ZNF608: variants seen among roughly 807,000 people sequenced by gnomAD.
ZNF608 encodes the protein zinc finger protein 608.
In ZNF608, 12 loss-of-function variants were observed where a neutral mutation model predicts 109.0. The ratio of observed to expected loss-of-function variants is 0.11; its 90% CI spans 0.07 to 0.18. The LOEUF (loss-of-function observed/expected upper bound fraction) is 0.18, where lower values mean the gene tolerates loss of function less well. ZNF608 is among the 10% of genes least tolerant of loss of function. The pLI is 1.00. For synonymous variants in ZNF608, 732 were observed against 717.4 expected (o/e 1.02, Z -0.33); for missense variants, 1,707 against 1,879.3 (o/e 0.91, Z 1.70).
At chr5:124,675,295 C>G (rs1751897305) in intron 3 of ZNF608, among the ~76,000 whole-genome samples, 1 of 152,194 alleles carries the variant, frequency 6.6e-6, no homozygotes, top group African/African-American at 2.4e-5. Flanking sequence ...CAAACGTGTG[C>G]AAATTCTTGA....
chr5:124,693,990 T>TTTTTTTTTTTTTTTTTTG, intron 3 of ZNF608, among the ~76,000 whole-genome samples: 1 of 130,136 alleles, frequency 7.7e-6, no homozygotes, highest in Non-Finnish European at 1.6e-5. Flanking sequence ...TTTTTTTTTT[T>TTTTTTTTTTTTTTTTTTG]TTTGAGAGAG....
intron 3 of ZNF608, among the ~76,000 whole-genome samples, chr5:124,659,070 G>A (rs1561542398): frequency 6.6e-6 from 1 of 152,020 alleles, no homozygotes. Flanking sequence ...GACTCAGGAG[G>A]TCACTGAAGA....
At chr5:124,719,044 G>C (rs947716255) in intron 2 of ZNF608, among the ~76,000 whole-genome samples, 1 of 152,116 alleles carries the variant, frequency 6.6e-6, no homozygotes, top group African/African-American at 2.4e-5. Context: ...GTACGGACCT[G>C]CACATTAATG....
intron 2 of ZNF608, among the ~76,000 whole-genome samples, chr5:124,713,089 C>T (rs1050471576): frequency 5.9e-5 from 9 of 152,222 alleles, no homozygotes; most frequent in African/African-American, 1.9e-4. Flanking sequence ...CCCAGCATGA[C>T]GTCCAAGGCA....
At chr5:124,690,409 G>GTT (rs1263606696) in intron 3 of ZNF608, among the ~76,000 whole-genome samples, 3 of 152,194 alleles carry the variant, frequency 2.0e-5, no homozygotes, top group Non-Finnish European at 4.4e-5. Context: ...TTCACCAATT[G>GTT]TAACACATGT....
intron 2 of ZNF608, among the ~76,000 whole-genome samples, chr5:124,730,229 T>G (rs1253145677): frequency 6.6e-6 from 1 of 152,224 alleles, no homozygotes; most frequent in African/African-American, 2.4e-5. Flanking sequence ...AACAATGTGA[T>G]TTGAATACAT....
chr5:124,683,600 A>G (rs1313116949), intron 3 of ZNF608, among the ~76,000 whole-genome samples: 4 of 152,222 alleles, frequency 2.6e-5, no homozygotes, highest in African/African-American at 9.6e-5. Context: ...GCTTCCGGAA[A>G]GTAGAAATTG....
At chr5:124,721,941 C>CAAA (rs199699487) in intron 2 of ZNF608, among the ~76,000 whole-genome samples, 645 of 20,778 alleles carry the variant, frequency 0.031, 132 homozygotes, top group Middle Eastern at 0.05. Context: ...GACTCTGTCT[C>CAAA]AAAAAAAAAA....
intron 3 of ZNF608, among the ~76,000 whole-genome samples, chr5:124,680,155 C>T (rs1288560094): frequency 6.6e-6 from 1 of 151,780 alleles, no homozygotes; most frequent in African/African-American, 2.4e-5. Flanking sequence ...AAAAAATAGG[C>T]CAAGCAAACC....
At chr5:124,666,031 T>A (rs1215555023) in intron 3 of ZNF608, among the ~76,000 whole-genome samples, 2 of 152,144 alleles carry the variant, frequency 1.3e-5, no homozygotes, top group Non-Finnish European at 2.9e-5. Context: ...GCATGTACGT[T>A]TGTGCGTACT....
In ZNF608 at chr5:124,647,979, T is replaced by G. The variant is rs775261900; in HGVS notation, c.2405A>C (p.Asn802Thr). 3 of 1,614,234 alleles carry G rather than the reference T, an allele frequency of 1.9e-6. No individual in the cohort carries two copies. Among genetic ancestry groups the G allele is most frequent in the Non-Finnish European group, 2.5e-6 (3 of 1,180,034 alleles). Residue 802 changes from asparagine (N) to threonine (T), a missense_variant, in exon 5 of 10, where the codon AAC becomes ACC. Transcript: ENST00000513986. Reference protein sequence around the residue: ...PTIMGEPITVNPALVSLKDKK... With the variant: ...PTIMGEPITVTPALVSLKDKK... ...GTCTTTGAGTGACACCAGAGCTGGG[T>G]TCACGGTGATGGGCTCTCCCATAAT...
In ZNF608 at chr5:124,745,117, C is replaced by G. The variant is rs1348754457; in HGVS notation, c.-128G>C. 11 of 1,445,884 alleles carry G rather than the reference C, an allele frequency of 7.6e-6. No homozygotes were observed. In the East Asian group the frequency reaches 2.7e-4, roughly 36 times the overall value. The allele number at this position is 1,445,884 out of a possible 1,614,324, so 89.6% of individuals were successfully genotyped here. A position where few individuals can be genotyped will look rare whatever the true frequency, so the allele number is the denominator to read the frequency against. ...ATCTTCTAATCTTCCTCTTCTTTTT[C>G]CTGCCCCACGAATGTGTCCAGGGAT... is the stretch of plus-strand genomic sequence containing the variant. On this transcript the variant is annotated 5_prime_UTR_variant, in exon 2 of 10. Transcript: ENST00000513986.
In ZNF608 at chr5:124,639,146, G is replaced by A; in HGVS notation, c.4519C>T (p.Pro1507Ser). ...AAQASASGMF[P>S]GQRRE The stretch of plus-strand genomic sequence containing the variant: ...GAGGATATTTACCTTCTTTGTCCAG[G>A]AAACATTCCAGATGCAGATGCCTGG... The change falls in exon 9 of 10, where the codon CCT (proline) becomes TCT (serine). Residue 1507 changes from proline to serine, a missense_variant. By Grantham distance (74) the Pro-to-Ser change is moderately conservative. Around this residue, in one of 7 missense-constraint regions of ZNF608, gnomAD observed 1,073 missense variants for 1,133.5 expected, o/e 0.95. Transcript: ENST00000513986. The A allele has an allele frequency of 6.2e-7, 1 of 1,614,164 alleles. No individual in the cohort carries two copies. The highest frequency in any genetic ancestry group is 8.5e-7 in the Non-Finnish European group (1 of 1,179,994).
Position 124,644,513 on chromosome 5 carries a change from G to C in ZNF608, c.3854C>G (p.Pro1285Arg). The change falls in exon 6 of 10, where the codon CCT becomes CGT. Residue 1285 changes from proline to arginine, a missense_variant. Physicochemically the swap from Pro to Arg is moderately radical, Grantham distance 103. Coordinates refer to ENST00000513986, the MANE Select transcript of ZNF608 (RefSeq NM_020747.3). ...PNKESGVPSL[P>R]VSLTSIKEEP... is the part of the protein sequence containing the mutation. ...CTCTTTAATGCTTGTTAACGATACA[G>C]GAAGGCTGGGCACACCACTCTCTTT... 1 of 1,614,088 alleles carries C rather than the reference G, an allele frequency of 6.2e-7. No individual in the cohort carries two copies. Among genetic ancestry groups the C allele is most frequent in the Non-Finnish European group, 8.5e-7 (1 of 1,180,026 alleles).
Position 124,637,838 on chromosome 5 carries a change from T to A in ZNF608, c.*62A>T. ...TTTCAAATTAACACCATGGAACTGA[T>A]GTCTGTATAAAGCGCTTCCCCATGT... On this transcript the variant is annotated 3_prime_UTR_variant, in exon 10 of 10. Coordinates refer to ENST00000513986, the MANE Select transcript of ZNF608 (RefSeq NM_020747.3). 1 of 1,565,958 alleles carries A rather than the reference T, an allele frequency of 6.4e-7. No homozygotes were observed. Among genetic ancestry groups the A allele is most frequent in the Non-Finnish European group, 8.7e-7 (1 of 1,146,436 alleles).
chr5:124,680,950 G>A (rs557319169), intron 3 of ZNF608, among the ~76,000 whole-genome samples: 1 of 152,076 alleles, frequency 6.6e-6, no homozygotes, highest in African/African-American at 2.4e-5. Flanking sequence ...AATACAAAAC[G>A]CATATAAACC....
At chr5:124,697,698 A>AG (rs1290781085) in intron 3 of ZNF608, among the ~76,000 whole-genome samples, 1 of 152,210 alleles carries the variant, frequency 6.6e-6, no homozygotes, top group East Asian at 1.9e-4. Flanking sequence ...CAGTAACACT[A>AG]GGGGAAAGAC....
intron 2 of ZNF608, among the ~76,000 whole-genome samples, chr5:124,717,646 A>C (rs1021048471): frequency 6.6e-6 from 1 of 152,212 alleles, no homozygotes; most frequent in Admixed American, 6.5e-5. Context: ...AATAAAGAGC[A>C]ATAAAATGAG....
intron 1 of ZNF608, chr5:124,745,544 T>TGAAC (rs1032817715): frequency 6.6e-6 from 1 of 152,588 alleles, no homozygotes; most frequent in African/African-American, 2.4e-5. Flanking sequence ...AAACACAGCC[T>TGAAC]GAACACTCAG....
Sources: gnomAD v4.1 joint callset for allele counts (sites outside exome capture counted in the v4.1 genomes callset) on GRCh38, gnomAD v4.1.1 for gene constraint, gnomAD v4.1.1 regional missense constraint, MANE v1.5 for transcripts, NCBI Gene and HGNC (gene_info 2026-07-23, HGNC 2026-07-21) for gene names.